Variants in GRIA1 observed in about 807,000 individuals in gnomAD.
The protein encoded by GRIA1 is glutamate receptor 1.
In GRIA1, 31 loss-of-function variants were observed where a neutral mutation model predicts 99.2. The ratio of observed to expected loss-of-function variants is 0.31; its 90% CI spans 0.23 to 0.42. The LOEUF is 0.42. Among genes scored for constraint, GRIA1 ranks in the 10% least tolerant of loss-of-function variants. The probability of loss-of-function intolerance (pLI) is 1.00; values close to 1 mark genes in which losing one functional copy is unlikely to be tolerated. For synonymous variants in GRIA1, 438 were observed against 432.4 expected (o/e 1.01, Z -0.16); for missense variants, 782 against 1,157.5 (o/e 0.68, Z 4.71).
chr5:153,519,624 C>T (rs947402646), intron 2 of GRIA1, among the ~76,000 whole-genome samples: 2 of 152,030 alleles, frequency 1.3e-5, no homozygotes, highest in Non-Finnish European at 2.9e-5. Context: ...GAGTGCAGCC[C>T]CTGTGAAGAC....
chr5:153,699,325 G>A (rs1370769871), intron 10 of GRIA1, among the ~76,000 whole-genome samples: 2 of 152,214 alleles, frequency 1.3e-5, no homozygotes, highest in East Asian at 3.8e-4. Flanking sequence ...ACAGGTGACA[G>A]CATAGCTCCA....
chr5:153,714,955 G>A (rs372522720), intron 11 of GRIA1, among the ~76,000 whole-genome samples: 4 of 152,320 alleles, frequency 2.6e-5, no homozygotes, highest in African/African-American at 7.2e-5. Context: ...AAGGAGAAAC[G>A]GCCTCAAAAT....
At chr5:153,564,568 C>T (rs1321350750) in intron 2 of GRIA1, among the ~76,000 whole-genome samples, 1 of 152,140 alleles carries the variant, frequency 6.6e-6, no homozygotes, top group East Asian at 1.9e-4. Context: ...GACTTATTTA[C>T]TCATGTGAGC....
chr5:153,766,000 T>C (rs972155988), intron 12 of GRIA1, among the ~76,000 whole-genome samples: 2 of 152,208 alleles, frequency 1.3e-5, no homozygotes, highest in Admixed American at 6.5e-5. Flanking sequence ...CTCACCTAGT[T>C]ATCTCACTAC....
At chr5:153,785,704 G>A (rs373865389) in intron 13 of GRIA1, among the ~76,000 whole-genome samples, 45 of 152,276 alleles carry the variant, frequency 3.0e-4, no homozygotes, top group African/African-American at 9.1e-4. Flanking sequence ...TGGATGAGCC[G>A]TTTGGGAACC....
chr5:153,670,549 G>A (rs959600534), intron 5 of GRIA1, among the ~76,000 whole-genome samples: 1 of 151,844 alleles, frequency 6.6e-6, no homozygotes, highest in South Asian at 2.1e-4. Context: ...ATCAAACTTC[G>A]TAGTTAAAAT....
chr5:153,775,729 T>C (rs1764187035), intron 13 of GRIA1, among the ~76,000 whole-genome samples: 2 of 143,788 alleles, frequency 1.4e-5, no homozygotes, highest in African/African-American at 2.6e-5. Flanking sequence ...ATCCTACCAA[T>C]GCCATAAGAG....
At chr5:153,541,928 CAAAAAAAAAAAAAAAA>C (rs57442019) in intron 2 of GRIA1, among the ~76,000 whole-genome samples, 1 of 97,434 alleles carries the variant, frequency 1.0e-5, no homozygotes, top group Non-Finnish European at 2.0e-5. Context: ...GATCCTGTTT[CAAAAAAAAAAAAAAAA>C]AAAAAAAACA....
intron 2 of GRIA1, among the ~76,000 whole-genome samples, chr5:153,552,019 T>C (rs1261718060): frequency 6.6e-6 from 1 of 152,170 alleles, no homozygotes; most frequent in Non-Finnish European, 1.5e-5. Context: ...TGGAATTGTC[T>C]GCCAGTGTTT....
chr5:153,583,244 T>G (rs1382821005), intron 2 of GRIA1, among the ~76,000 whole-genome samples: 3 of 152,168 alleles, frequency 2.0e-5, no homozygotes, highest in Non-Finnish European at 4.4e-5. Context: ...CCCTGACTTT[T>G]AGAAGTGGAG....
At chr5:153,725,078 C>T (rs9687829) in intron 11 of GRIA1, among the ~76,000 whole-genome samples, 79,409 of 151,930 alleles carry the variant, frequency 0.52, 21,670 homozygotes, top group East Asian at 0.94. Context: ...CCAGAAGCGA[C>T]TGGGGGCCAA....
At chr5:153,494,147 C>T in intron 2 of GRIA1, 82 bp downstream of exon 2, 1 of 1,431,796 alleles carries the variant, frequency 7.0e-7, no homozygotes, top group Non-Finnish European at 9.6e-7. Flanking sequence ...GGTGGTGTTG[C>T]AAAAATGACT....
At chr5:153,566,427 C>T (rs1287204433) in intron 2 of GRIA1, among the ~76,000 whole-genome samples, 1 of 149,248 alleles carries the variant, frequency 6.7e-6, no homozygotes, top group Non-Finnish European at 1.5e-5. Flanking sequence ...TTGCCTTAGA[C>T]TCCCAAGTAG....
intron 1 of GRIA1, among the ~76,000 whole-genome samples, chr5:153,492,576 T>G (rs1754028419): frequency 6.6e-6 from 1 of 152,224 alleles, no homozygotes; most frequent in African/African-American, 2.4e-5. Flanking sequence ...GGCTCTTACA[T>G]GTGGCATTGT....
intron 2 of GRIA1, among the ~76,000 whole-genome samples, chr5:153,497,449 A>T (rs1406310087): frequency 6.6e-6 from 1 of 152,194 alleles, no homozygotes; most frequent in African/African-American, 2.4e-5. Context: ...CAGCAAGTAC[A>T]TACTGAATGC....
intron 14 of GRIA1, among the ~76,000 whole-genome samples, chr5:153,797,778 C>T (rs1026248142): frequency 1.3e-5 from 2 of 152,190 alleles, no homozygotes; most frequent in Non-Finnish European, 2.9e-5. Context: ...ACAGCCATCA[C>T]TTTCACAGTA....
At chr5:153,797,808 G>C (rs952889411) in intron 14 of GRIA1, among the ~76,000 whole-genome samples, 8 of 152,192 alleles carry the variant, frequency 5.3e-5, no homozygotes, top group Admixed American at 5.2e-4. Context: ...CTGATTATTA[G>C]AACAATGGGC....
intron 11 of GRIA1, among the ~76,000 whole-genome samples, chr5:153,750,766 C>G (rs1459405235): frequency 6.6e-6 from 1 of 152,114 alleles, no homozygotes; most frequent in Non-Finnish European, 1.5e-5. Flanking sequence ...CTTAAGAATA[C>G]CTGTAAGATG....
intron 11 of GRIA1, among the ~76,000 whole-genome samples, chr5:153,754,192 T>A (rs1015927206): frequency 2.0e-5 from 3 of 152,166 alleles, no homozygotes; most frequent in Non-Finnish European, 4.4e-5. Flanking sequence ...TGGGAAAATG[T>A]AACTTTCCTG....
Sources: gnomAD v4.1 joint callset for allele counts (sites outside exome capture counted in the v4.1 genomes callset) on GRCh38, gnomAD v4.1.1 for gene constraint, MANE v1.5 for transcripts, NCBI Gene and HGNC (gene_info 2026-07-23, HGNC 2026-07-21) for gene names.